Variants in BANF2 observed in about 807,000 individuals in gnomAD.
The protein encoded by BANF2 is BANF family member 2, also known as barrier-to-autointegration factor-like protein.
Under a neutral mutation model 8.0 loss-of-function variants are expected in BANF2, and 4 were observed. That is an observed-to-expected ratio of 0.50 (90% confidence interval 0.25 to 1.14). The LOEUF (loss-of-function observed/expected upper bound fraction) is 1.14. Among genes scored for constraint, BANF2 ranks in the 50% most tolerant of loss-of-function variants. The probability of loss-of-function intolerance (pLI) is 0.16; values close to 1 mark genes in which losing one functional copy is unlikely to be tolerated. For synonymous variants in BANF2, 50 were observed against 40.6 expected (o/e 1.23, Z -0.88); for missense variants, 96 against 107.5 (o/e 0.89, Z 0.47).
chr20:17,708,576 C>T (rs1203512277), intron 1 of BANF2, among the ~76,000 whole-genome samples: 1 of 152,200 alleles, frequency 6.6e-6, no homozygotes, highest in East Asian at 1.9e-4. Context: ...GTCCATAGCA[C>T]TTTTGTGACC....
chr20:17,724,931 C>T, intron 2 of BANF2, 92 bp from the exon 3 acceptor site: 1 of 1,331,088 alleles, frequency 7.5e-7, no homozygotes, highest in Non-Finnish European at 1.0e-6. Flanking sequence ...TGCCCCAGTC[C>T]CTTGGTGGGC....
At chr20:17,728,428 C>T (rs1218228014) in intron 3 of BANF2, among the ~76,000 whole-genome samples, 2 of 152,152 alleles carry the variant, frequency 1.3e-5, no homozygotes, top group African/African-American at 4.8e-5. Flanking sequence ...CCAGCGCCCC[C>T]GCTCCACCCC....
At chr20:17,733,920 A>G (rs1425759763) in intron 3 of BANF2, among the ~76,000 whole-genome samples, 3 of 152,226 alleles carry the variant, frequency 2.0e-5, no homozygotes, top group Admixed American at 2.0e-4. Flanking sequence ...TATTTTACAT[A>G]ACTAAAAGTA....
At chr20:17,694,166 C>A (rs868517306) in intron 1 of BANF2, among the ~76,000 whole-genome samples, 3 of 152,198 alleles carry the variant, frequency 2.0e-5, no homozygotes, top group South Asian at 2.1e-4. Flanking sequence ...TGAACAAAAC[C>A]GATGCAAAGC....
At chr20:17,711,294 A>G (rs1382840359) in intron 1 of BANF2, among the ~76,000 whole-genome samples, 2 of 152,222 alleles carry the variant, frequency 1.3e-5, no homozygotes, top group African/African-American at 4.8e-5. Flanking sequence ...AGCCCTCATG[A>G]GAGTCACTTT....
chr20:17,708,154 G>A (rs1600215297), intron 1 of BANF2, among the ~76,000 whole-genome samples: 1 of 152,016 alleles, frequency 6.6e-6, no homozygotes, highest in East Asian at 1.9e-4. Context: ...TTGAAACCAG[G>A]ATGCAGAGGT....
At chr20:17,707,263 G>A (rs1337428964) in intron 1 of BANF2, among the ~76,000 whole-genome samples, 2 of 151,656 alleles carry the variant, frequency 1.3e-5, no homozygotes, top group Non-Finnish European at 2.9e-5. Flanking sequence ...GGTGGCAGGC[G>A]CAGTCCCAGC....
At chr20:17,720,614 G>C (rs1240976738) in intron 1 of BANF2, among the ~76,000 whole-genome samples, 1 of 152,166 alleles carries the variant, frequency 6.6e-6, no homozygotes, top group Non-Finnish European at 1.5e-5. Flanking sequence ...CATTTTAATA[G>C]AAACGGAAAA....
At chr20:17,698,370 CT>C (rs1448036651), upstream of BANF2, among the ~76,000 whole-genome samples, 2 of 152,188 alleles carry the variant, frequency 1.3e-5, no homozygotes, top group African/African-American at 4.8e-5. Context: ...ACCGTGCTTC[CT>C]GAACAGCCTG....
chr20:17,729,373 C>T (rs1345047716), intron 3 of BANF2, among the ~76,000 whole-genome samples: 1 of 152,234 alleles, frequency 6.6e-6, no homozygotes, highest in Non-Finnish European at 1.5e-5. Flanking sequence ...TCTGCCACCC[C>T]ACCCAACAGG....
chr20:17,720,259 C>G (rs566910721), intron 1 of BANF2, among the ~76,000 whole-genome samples: 3 of 152,176 alleles, frequency 2.0e-5, no homozygotes, highest in African/African-American at 2.4e-5. Flanking sequence ...ATTGAATGCA[C>G]GTTCTCAAAG....
chr20:17,717,394 T>C (rs998753270), intron 1 of BANF2, among the ~76,000 whole-genome samples: 1 of 152,154 alleles, frequency 6.6e-6, no homozygotes. Context: ...TGTGAGGAGT[T>C]AACTATGTAA....
At chr20:17,730,769 ACT>A (rs1352332358) in intron 3 of BANF2, among the ~76,000 whole-genome samples, 2 of 151,634 alleles carry the variant, frequency 1.3e-5, no homozygotes, top group Non-Finnish European at 2.9e-5. Flanking sequence ...CTTTCTGTCC[ACT>A]CTGCTGGGTG....
intron 1 of BANF2, among the ~76,000 whole-genome samples, chr20:17,716,396 G>A (rs554569341): frequency 2.0e-5 from 3 of 151,626 alleles, no homozygotes; most frequent in East Asian, 1.9e-4. Context: ...GCAGTGGTAC[G>A]ACCACGGCTC....
chr20:17,697,666 G>A (rs1600208070), upstream of BANF2, among the ~76,000 whole-genome samples: 1 of 152,344 alleles, frequency 6.6e-6, no homozygotes, highest in East Asian at 1.9e-4. Flanking sequence ...ACATAGGTAG[G>A]GGAGCGGGGA....
intron 1 of BANF2, among the ~76,000 whole-genome samples, chr20:17,710,680 A>G (rs1439534118): frequency 6.6e-6 from 1 of 152,196 alleles, no homozygotes; most frequent in African/African-American, 2.4e-5. Flanking sequence ...GTGACTTCTG[A>G]GTGACAAGCT....
intron 1 of BANF2, among the ~76,000 whole-genome samples, chr20:17,721,000 G>C (rs2037719664): frequency 6.6e-6 from 1 of 152,154 alleles, no homozygotes; most frequent in African/African-American, 2.4e-5. Flanking sequence ...CAGGTGGTTC[G>C]TGCACTCACT....
At chr20:17,700,349 A>AACAG (rs2037388882) in intron 1 of BANF2, among the ~76,000 whole-genome samples, 1 of 141,586 alleles carries the variant, frequency 7.1e-6, no homozygotes, top group Non-Finnish European at 1.5e-5. Flanking sequence ...CTGTGTTCTT[A>AACAG]ATAGAGCAGA....
intron 3 of BANF2, among the ~76,000 whole-genome samples, chr20:17,725,866 C>CT (rs1293858874): frequency 2.0e-5 from 3 of 152,188 alleles, no homozygotes; most frequent in African/African-American, 7.2e-5. Context: ...CCAAGTCAGT[C>CT]TACCAGGCGG....
Sources: allele counts gnomAD v4.1 joint callset (sites outside exome capture counted in the v4.1 genomes callset), GRCh38; gene constraint gnomAD v4.1.1; transcripts MANE v1.5; gene names NCBI Gene and HGNC (gene_info 2026-07-23, HGNC 2026-07-21).